The following ATP2B2 variants were observed in gnomAD, a reference collection of about 807,000 sequenced individuals.
ATP2B2 encodes the protein ATPase plasma membrane Ca2+ transporting 2, also known as plasma membrane calcium-transporting ATPase 2.
Under a neutral mutation model 120.0 loss-of-function variants are expected in ATP2B2, and 15 were observed. The ratio of observed to expected loss-of-function variants is 0.12; its 90% CI spans 0.08 to 0.19. The LOEUF (loss-of-function observed/expected upper bound fraction) is 0.19. Ranked by LOEUF, ATP2B2 falls within the 10% of genes least tolerant of loss-of-function variation. The pLI is 1.00. For synonymous variants in ATP2B2, 694 were observed against 700.3 expected (o/e 0.99, Z 0.14); for missense variants, 1,045 against 1,719.8 (o/e 0.61, Z 6.94).
intron 2 of ATP2B2, among the ~76,000 whole-genome samples, chr3:10,546,827 T>C (rs949246125): frequency 4.6e-5 from 7 of 152,180 alleles, no homozygotes; most frequent in Non-Finnish European, 7.3e-5. Flanking sequence ...CTAACGGTGA[T>C]GAAGCCAGGA....
intron 1 of ATP2B2, among the ~76,000 whole-genome samples, chr3:10,646,813 A>G (rs926833688): frequency 3.9e-5 from 6 of 152,212 alleles, no homozygotes; most frequent in African/African-American, 1.4e-4. Context: ...GAGGCGCTCC[A>G]CTAAGAGATT....
intron 2 of ATP2B2, among the ~76,000 whole-genome samples, chr3:10,435,851 A>G (rs1252309546): frequency 1.3e-5 from 2 of 152,258 alleles, no homozygotes; most frequent in Admixed American, 6.5e-5. Context: ...GAATTTAAAA[A>G]AGAAATAAAA....
intron 14 of ATP2B2, among the ~76,000 whole-genome samples, chr3:10,355,384 AT>A (rs1041682643): frequency 2.0e-5 from 3 of 152,104 alleles, no homozygotes; most frequent in Admixed American, 2.0e-4. Flanking sequence ...CTATATAGAC[AT>A]CCCAGGGGTG....
intron 1 of ATP2B2, among the ~76,000 whole-genome samples, chr3:10,670,367 G>A (rs1238046840): frequency 1.3e-5 from 2 of 152,088 alleles, no homozygotes; most frequent in Non-Finnish European, 2.9e-5. Context: ...TTTTTTTAAC[G>A]GGAAAGATTG....
chr3:10,414,055 G>T (rs1286855110), intron 2 of ATP2B2, among the ~76,000 whole-genome samples: 1 of 152,150 alleles, frequency 6.6e-6, no homozygotes, highest in Non-Finnish European at 1.5e-5. Flanking sequence ...AGAATCCCAG[G>T]GGATCTGAGG....
chr3:10,380,794 T>C (rs1242084643), intron 8 of ATP2B2, among the ~76,000 whole-genome samples: 4 of 152,188 alleles, frequency 2.6e-5, no homozygotes, highest in Non-Finnish European at 5.9e-5. Flanking sequence ...CTCATCAAGC[T>C]TCCACTTTCA....
chr3:10,592,949 CTAATTTTTG>C lies in ATP2B2; in HGVS notation c.-415+26959_-415+26967del, dbSNP rs376770538. Among the ~76,000 whole-genome samples, 930 of 152,236 alleles carry C rather than the reference CTAATTTTTG, an allele frequency of 6.1e-3. 10 individuals carry two copies. The highest frequency in any genetic ancestry group is 0.02 in the African/African-American group (847 of 41,540). On this transcript the variant is annotated intron_variant, in intron 2 of 21. Coordinates refer to the ATP2B2 transcript ENST00000646379. The stretch of plus-strand genomic sequence containing the variant: ...AGGTATGCACCACCACCACGCCTGG[CTAATTTTTG>C]TAATTTTTGTAGAGATGAGGTTTTT...
intron 2 of ATP2B2, among the ~76,000 whole-genome samples, chr3:10,412,857 G>A (rs950160861): frequency 3.3e-5 from 5 of 152,144 alleles, no homozygotes; most frequent in East Asian, 1.9e-4. Flanking sequence ...GCGGGGCAAC[G>A]ACAGTCCTGT....
intron 2 of ATP2B2, among the ~76,000 whole-genome samples, chr3:10,541,943 A>C (rs1400872395): frequency 6.6e-6 from 1 of 152,156 alleles, no homozygotes; most frequent in Non-Finnish European, 1.5e-5. Flanking sequence ...TTTGGTGTAC[A>C]CATATTTAGG....
At chr3:10,580,200 A>AC (rs1280802259) in intron 2 of ATP2B2, among the ~76,000 whole-genome samples, 1 of 152,144 alleles carries the variant, frequency 6.6e-6, no homozygotes, top group Non-Finnish European at 1.5e-5. Context: ...GGTCAGTGTG[A>AC]CCCCAAATCC....
At chr3:10,478,032 T>G (rs1250592339) in intron 1 of ATP2B2, among the ~76,000 whole-genome samples, 1 of 152,232 alleles carries the variant, frequency 6.6e-6, no homozygotes, top group Non-Finnish European at 1.5e-5. Context: ...TTTCCCCACG[T>G]TCTGGCCAAT....
intron 5 of ATP2B2, among the ~76,000 whole-genome samples, chr3:10,390,979 G>A (rs1438170): frequency 0.039 from 5,887 of 152,218 alleles, 358 homozygotes; most frequent in African/African-American, 0.13. Flanking sequence ...TAGGAGGAGG[G>A]GCTGTTACAT....
intron 2 of ATP2B2, among the ~76,000 whole-genome samples, chr3:10,561,507 G>T (rs1391776776): frequency 6.6e-6 from 1 of 152,182 alleles, no homozygotes; most frequent in Non-Finnish European, 1.5e-5. Context: ...AGAAGTTGAG[G>T]CTCAGAGAGG....
At chr3:10,659,387 G>A (rs1441738230) in intron 1 of ATP2B2, among the ~76,000 whole-genome samples, 1 of 152,192 alleles carries the variant, frequency 6.6e-6, no homozygotes, top group East Asian at 1.9e-4. Context: ...TCAAAATAAA[G>A]GGATGGAGGA....
At chr3:10,377,167 C>T (rs1050060962) in intron 10 of ATP2B2, among the ~76,000 whole-genome samples, 5 of 152,156 alleles carry the variant, frequency 3.3e-5, no homozygotes, top group East Asian at 1.9e-4. Flanking sequence ...GCTTCGTTCC[C>T]GGCCCTGTCA....
Position 10,386,491 on chromosome 3 carries a change from A to C in ATP2B2, c.929T>G (p.Leu310Arg), listed in dbSNP as rs1280329991. 3 of 1,614,064 alleles carry C rather than the reference A, an allele frequency of 1.9e-6. No homozygotes were observed. The African/African-American group carries it at 4.0e-5, about 22-fold the overall frequency. Residue 310 changes from leucine to arginine, a missense_variant, in exon 7 of 23, where the codon CTT (leucine) becomes CGT (arginine). By Grantham distance (102) the Leu-to-Arg change is moderately radical. Transcript: ENST00000360273. The stretch of plus-strand genomic sequence containing the variant: ...GTGTCTTACTGTACCTGGTAGCTGA[A>C]GGCCATCCCCCTTCTTCACACCTGT... ...DKKGVKKGDG[L>R]QLPAADGAAA...
intron 2 of ATP2B2, among the ~76,000 whole-genome samples, chr3:10,429,839 C>G (rs145802101): frequency 2.6e-5 from 4 of 152,294 alleles, no homozygotes; most frequent in African/African-American, 9.6e-5. Context: ...CTCCCGTGAA[C>G]ACCTGAATGA....
At chr3:10,586,753 A>T (rs1206020474) in intron 2 of ATP2B2, among the ~76,000 whole-genome samples, 2 of 152,224 alleles carry the variant, frequency 1.3e-5, no homozygotes, top group Non-Finnish European at 2.9e-5. Flanking sequence ...TTTCCAAAGC[A>T]AGAACTCCTG....
intron 2 of ATP2B2, among the ~76,000 whole-genome samples, chr3:10,591,611 G>A (rs2068646283): frequency 6.6e-6 from 1 of 152,122 alleles, no homozygotes; most frequent in Non-Finnish European, 1.5e-5. Context: ...CTTGATCTCA[G>A]CTTCTCTTAT....
Sources: gnomAD v4.1 joint callset for allele counts (sites outside exome capture counted in the v4.1 genomes callset) on GRCh38, gnomAD v4.1.1 for gene constraint, MANE v1.5 for transcripts, NCBI Gene and HGNC (gene_info 2026-07-23, HGNC 2026-07-21) for gene names.